EYS: variants seen among roughly 807,000 people sequenced by gnomAD.
EYS encodes protein eyes shut homolog.
In EYS, 250 loss-of-function variants were observed where a neutral mutation model predicts 282.1. The observed-to-expected ratio is 0.89, with a 90% CI of 0.80 to 0.98. The LOEUF (loss-of-function observed/expected upper bound fraction) is 0.98. Ranked by LOEUF, EYS falls within the 50% of genes least tolerant of loss-of-function variation. The pLI is 0.00. For missense variants in EYS, 4,016 were observed against 3,709.0 expected (o/e 1.08, Z -2.15); for synonymous variants, 1,355 against 1,282.9 (o/e 1.06, Z -1.20).
chr6:64,962,300 CTTTA>C (rs34473666), intron 14 of EYS, among the ~76,000 whole-genome samples: 48,073 of 151,570 alleles, frequency 0.32, 9,410 homozygotes, highest in Admixed American at 0.43. Context: ...TTATTTTAAA[CTTTA>C]TTTATCTAGT....
intron 26 of EYS, among the ~76,000 whole-genome samples, chr6:64,478,245 A>C (rs1776332978): frequency 6.6e-6 from 1 of 151,948 alleles, no homozygotes; most frequent in Non-Finnish European, 1.5e-5. Context: ...TTATGTTTTC[A>C]ATCATATTTA....
intron 12 of EYS, among the ~76,000 whole-genome samples, chr6:65,166,726 A>T (rs1166885152): frequency 6.6e-6 from 1 of 151,210 alleles, no homozygotes; most frequent in East Asian, 2.0e-4. Flanking sequence ...TATGTTTCAA[A>T]GGACACCATC....
At chr6:64,252,995 C>G (rs150104519) in intron 30 of EYS, among the ~76,000 whole-genome samples, 3 of 151,984 alleles carry the variant, frequency 2.0e-5, no homozygotes, top group Non-Finnish European at 4.4e-5. Flanking sequence ...TGTGTTAGAG[C>G]CTTTAACATA....
intron 5 of EYS, among the ~76,000 whole-genome samples, chr6:65,453,981 A>G (rs1764508092): frequency 6.6e-6 from 1 of 151,832 alleles, no homozygotes. Flanking sequence ...ATTGTGCTGT[A>G]ATAAGTATGA....
At chr6:65,567,053 C>T (rs547134306) in intron 2 of EYS, among the ~76,000 whole-genome samples, 1 of 151,966 alleles carries the variant, frequency 6.6e-6, no homozygotes, top group East Asian at 1.9e-4. Context: ...GGGCTCTGCC[C>T]TCATGAATGG....
chr6:65,604,232 A>T (rs1469959438), intron 2 of EYS, among the ~76,000 whole-genome samples: 1 of 151,828 alleles, frequency 6.6e-6, no homozygotes, highest in Non-Finnish European at 1.5e-5. Flanking sequence ...TGATGTTGGT[A>T]ATTATTTATT....
intron 37 of EYS, among the ~76,000 whole-genome samples, chr6:63,804,307 C>T (rs1016003233): frequency 3.9e-4 from 59 of 152,290 alleles, no homozygotes; most frequent in African/African-American, 1.3e-3. Flanking sequence ...TGAGTCACCG[C>T]GCCTGGCCGA....
chr6:63,954,323 C>A (rs546549772), intron 35 of EYS, among the ~76,000 whole-genome samples: 2 of 152,310 alleles, frequency 1.3e-5, no homozygotes, highest in East Asian at 3.9e-4. Flanking sequence ...ATTGAGGCTA[C>A]CATTTTGCCC....
At chr6:64,401,554 A>G (rs544484026) in intron 28 of EYS, among the ~76,000 whole-genome samples, 1 of 152,136 alleles carries the variant, frequency 6.6e-6, no homozygotes, top group African/African-American at 2.4e-5. Context: ...ATACTTGTAC[A>G]TATTTATGGG....
chr6:64,192,404 TG>T (rs1403171894), intron 31 of EYS, among the ~76,000 whole-genome samples: 8 of 152,058 alleles, frequency 5.3e-5, no homozygotes, highest in African/African-American at 1.7e-4. Context: ...AGTCCTTGCC[TG>T]CATCACGCTA....
intron 2 of EYS, among the ~76,000 whole-genome samples, chr6:65,563,480 C>T (rs1336345085): frequency 6.6e-6 from 1 of 151,880 alleles, no homozygotes; most frequent in South Asian, 2.1e-4. Context: ...TTATAGAAAA[C>T]CATTCAATTT....
intron 29 of EYS, among the ~76,000 whole-genome samples, chr6:64,387,107 T>C (rs1229716029): frequency 6.6e-6 from 1 of 152,276 alleles, no homozygotes; most frequent in East Asian, 1.9e-4. Flanking sequence ...TCAAACCCCA[T>C]GTCTCCATAA....
chr6:64,389,988 T>A (rs1247108333), intron 28 of EYS, among the ~76,000 whole-genome samples: 1 of 149,494 alleles, frequency 6.7e-6, no homozygotes, highest in Non-Finnish European at 1.5e-5. Context: ...GGAGTTCCCT[T>A]TCCGAGTCAA....
rs190356675 is a variant in EYS, at chr6:65,564,566, G to C, written c.-332-68573C>G. Among the ~76,000 whole-genome samples the C allele has an allele frequency of 2.6e-3, 401 of 152,164 alleles. 10 individuals carry two copies. The highest frequency in any genetic ancestry group is 0.023 in the Admixed American group (355 of 15,280). On this transcript the variant is annotated intron_variant, in intron 2 of 42. Coordinates refer to ENST00000503581, the MANE Select transcript of EYS (RefSeq NM_001142800.2). ...TAAATGGTGTTGGGAAAACTGGCTA[G>C]CCATATGCAGAAAACTGAAACTGGA... is the stretch of plus-strand genomic sequence containing the variant.
chr6:64,261,661 A>T (rs557693475), intron 30 of EYS, among the ~76,000 whole-genome samples: 2 of 152,194 alleles, frequency 1.3e-5, no homozygotes, highest in East Asian at 3.9e-4. Flanking sequence ...TTTCTAGGAC[A>T]TTTAACTCAA....
chr6:65,468,028 C>A (rs1582335258), intron 5 of EYS, among the ~76,000 whole-genome samples: 1 of 152,210 alleles, frequency 6.6e-6, no homozygotes, highest in East Asian at 1.9e-4. Context: ...CTCCTTTCCC[C>A]AAAGTCTCAA....
At chr6:65,545,037 G>C (rs1478325922) in intron 2 of EYS, among the ~76,000 whole-genome samples, 1 of 151,920 alleles carries the variant, frequency 6.6e-6, no homozygotes. Flanking sequence ...ATCTAATTTT[G>C]CTTTAAAAAT....
chr6:65,339,918 A>T (rs571997956), intron 10 of EYS, among the ~76,000 whole-genome samples: 1 of 151,250 alleles, frequency 6.6e-6, no homozygotes, highest in African/African-American at 2.4e-5. Flanking sequence ...ACAACTGCAA[A>T]TTTTTTAAAG....
chr6:65,608,662 C>T (rs977840969), intron 2 of EYS, among the ~76,000 whole-genome samples: 2 of 152,006 alleles, frequency 1.3e-5, no homozygotes, highest in African/African-American at 4.8e-5. Context: ...CATTCCACAA[C>T]CGTAAAAAAT....
Sources: gnomAD v4.1 joint callset for allele counts (sites outside exome capture counted in the v4.1 genomes callset) on GRCh38, gnomAD v4.1.1 for gene constraint, MANE v1.5 for transcripts, NCBI Gene and HGNC (gene_info 2026-07-23, HGNC 2026-07-21) for gene names.